The following FAM110B variants were observed in gnomAD, a reference collection of about 807,000 sequenced individuals.
FAM110B encodes protein FAM110B.
Under a neutral mutation model 20.4 loss-of-function variants are expected in FAM110B, and 6 were observed. The observed-to-expected ratio is 0.29, with a 90% confidence interval of 0.16 to 0.58. The LOEUF is 0.58. Among genes scored for constraint, FAM110B ranks in the 20% least tolerant of loss-of-function variants. The pLI, the probability that FAM110B is intolerant of heterozygous loss-of-function variation, is 0.90. For missense variants in FAM110B, 434 were observed against 498.2 expected (o/e 0.87, Z 1.23); for synonymous variants, 226 against 214.1 (o/e 1.06, Z -0.49).
chr8:58,067,459 C>T (rs1001780764), intron 2 of FAM110B, among the ~76,000 whole-genome samples: 9 of 152,164 alleles, frequency 5.9e-5, no homozygotes, highest in African/African-American at 1.7e-4. Context: ...GGTTGTGTCT[C>T]CTCCTTCCTC....
At chr8:58,015,383 T>C (rs1298273554) in intron 1 of FAM110B, among the ~76,000 whole-genome samples, 2 of 149,556 alleles carry the variant, frequency 1.3e-5, no homozygotes, top group Non-Finnish European at 3.0e-5. Flanking sequence ...AAATTTACAC[T>C]CTCAGAAAAG....
chr8:58,067,135 C>T (rs928994390), intron 2 of FAM110B, among the ~76,000 whole-genome samples: 1 of 152,188 alleles, frequency 6.6e-6, no homozygotes, highest in Non-Finnish European at 1.5e-5. Context: ...GGGGAAAAAG[C>T]TGTAACAGTT....
At chr8:58,097,568 G>T (rs146446301) in intron 3 of FAM110B, among the ~76,000 whole-genome samples, 1 of 152,090 alleles carries the variant, frequency 6.6e-6, no homozygotes, top group Non-Finnish European at 1.5e-5. Context: ...CTCATCCTCC[G>T]TCCAGTTTTG....
intron 3 of FAM110B, among the ~76,000 whole-genome samples, chr8:58,127,074 G>A (rs1563379209): frequency 6.6e-6 from 1 of 152,066 alleles, no homozygotes; most frequent in Non-Finnish European, 1.5e-5. Context: ...TTTGTATAAG[G>A]TATGAGATAA....
chr8:58,017,231 G>A (rs58101377), intron 1 of FAM110B, among the ~76,000 whole-genome samples: 4,199 of 152,248 alleles, frequency 0.028, 195 homozygotes, highest in African/African-American at 0.094. Context: ...GCATTATGCC[G>A]CTTCATTGAA....
chr8:58,095,295 C>T (rs555418222), intron 3 of FAM110B, among the ~76,000 whole-genome samples: 69 of 152,084 alleles, frequency 4.5e-4, no homozygotes, highest in Admixed American at 8.5e-4. Flanking sequence ...CAAATTAGTT[C>T]GCTCTTGCTT....
At chr8:58,093,713 A>G (rs971700823) in intron 3 of FAM110B, among the ~76,000 whole-genome samples, 3 of 152,084 alleles carry the variant, frequency 2.0e-5, no homozygotes, top group Non-Finnish European at 4.4e-5. Flanking sequence ...TTTGTTTAGA[A>G]TTGTCTTGGC....
chr8:58,131,623 C>T (rs1489740858), intron 3 of FAM110B, among the ~76,000 whole-genome samples: 1 of 152,188 alleles, frequency 6.6e-6, no homozygotes, highest in East Asian at 1.9e-4. Flanking sequence ...TAATTTCCAC[C>T]TTAGTAAATC....
At chr8:58,082,841 T>TTTG (rs1366152492) in intron 3 of FAM110B, among the ~76,000 whole-genome samples, 58 of 131,004 alleles carry the variant, frequency 4.4e-4, no homozygotes, top group African/African-American at 2.5e-3. Flanking sequence ...ATTTTTGTTT[T>TTTG]TTTTTGTTTT....
At chr8:58,051,786 C>T (rs1247080650) in intron 2 of FAM110B, among the ~76,000 whole-genome samples, 1 of 151,672 alleles carries the variant, frequency 6.6e-6, no homozygotes, top group Non-Finnish European at 1.5e-5. Flanking sequence ...AGTTGTTAAC[C>T]AGAGGCACAT....
chr8:57,997,787 A>G (rs905849600), intron 1 of FAM110B, among the ~76,000 whole-genome samples: 3 of 152,232 alleles, frequency 2.0e-5, no homozygotes, highest in African/African-American at 7.2e-5. Context: ...CTGGTTCATA[A>G]TAACAGTTAT....
intron 2 of FAM110B, among the ~76,000 whole-genome samples, chr8:58,039,046 T>G (rs1300646572): frequency 6.6e-6 from 1 of 152,254 alleles, no homozygotes; most frequent in African/African-American, 2.4e-5. Context: ...ATATTTAGCA[T>G]TTGACTGAGC....
chr8:58,146,990 C>T lies in FAM110B; in HGVS notation c.760C>T (p.Pro254Ser). The change falls in exon 4 of 4, where the codon CCC (proline) becomes TCC (serine). Residue 254 changes from proline to serine, a missense_variant. By Grantham distance (74) the Pro-to-Ser change is moderately conservative (BLOSUM62 -1). This residue lies in a region of FAM110B where 284 missense variants were observed against 278.3 expected (regional missense o/e 1.02). Transcript: ENST00000519262. ...VEPACGVSRRPSLQRSKSDLS... is the reference protein window; with the variant it reads ...VEPACGVSRRSSLQRSKSDLS... ...ACCAGCTTGTGGAGTCAGCCGAAGACCCTCCCTCCAGCGGTCTAAGTCAGA... is the reference window on the plus strand; with the variant it reads ...ACCAGCTTGTGGAGTCAGCCGAAGATCCTCCCTCCAGCGGTCTAAGTCAGA... The T allele has an allele frequency of 1.2e-6, 2 of 1,614,216 alleles. No homozygotes were observed. Among genetic ancestry groups the T allele is most frequent in the East Asian group, 2.2e-5 (1 of 44,880 alleles).
At chr8:58,102,512 C>T (rs547141030) in intron 3 of FAM110B, among the ~76,000 whole-genome samples, 1 of 152,282 alleles carries the variant, frequency 6.6e-6, no homozygotes, top group East Asian at 1.9e-4. Flanking sequence ...TAGCGTAGAT[C>T]AGATGGTATG....
At chr8:58,059,749 TAA>T (rs1805618665) in intron 2 of FAM110B, among the ~76,000 whole-genome samples, 1 of 152,062 alleles carries the variant, frequency 6.6e-6, no homozygotes. Context: ...TAATTTTTGT[TAA>T]AGAGCAGTTT....
chr8:58,029,823 CA>C (rs1476379487), intron 1 of FAM110B, among the ~76,000 whole-genome samples: 1 of 152,198 alleles, frequency 6.6e-6, no homozygotes, highest in Non-Finnish European at 1.5e-5. Flanking sequence ...TTTGATTTCA[CA>C]TGGCAACTTT....
intron 2 of FAM110B, among the ~76,000 whole-genome samples, chr8:58,065,453 TATTAAC>T (rs1461415694): frequency 6.6e-6 from 1 of 152,214 alleles, no homozygotes; most frequent in Non-Finnish European, 1.5e-5. Flanking sequence ...AGAGGATGCC[TATTAAC>T]ATCCGAAAAC....
chr8:58,088,361 A>G (rs1371457399), intron 3 of FAM110B, among the ~76,000 whole-genome samples: 1 of 152,186 alleles, frequency 6.6e-6, no homozygotes, highest in Non-Finnish European at 1.5e-5. Context: ...GTTCCAAATG[A>G]CGCTTCAAGT....
At chr8:57,998,779 G>C (rs901884713) in intron 1 of FAM110B, among the ~76,000 whole-genome samples, 1 of 152,140 alleles carries the variant, frequency 6.6e-6, no homozygotes, top group African/African-American at 2.4e-5. Context: ...AACGATTACA[G>C]ATAATTAAGA....
Sources: gnomAD v4.1 joint callset for allele counts (sites outside exome capture counted in the v4.1 genomes callset) on GRCh38, gnomAD v4.1.1 for gene constraint, gnomAD v4.1.1 regional missense constraint, MANE v1.5 for transcripts, NCBI Gene and HGNC (gene_info 2026-07-23, HGNC 2026-07-21) for gene names.